RPH3AL: variants seen among roughly 807,000 people sequenced by gnomAD.
RPH3AL encodes rabphilin 3A like (without C2 domains).
Under a neutral mutation model 43.1 loss-of-function variants are expected in RPH3AL, and 38 were observed. The ratio of observed to expected loss-of-function variants is 0.88; its 90% CI spans 0.68 to 1.15. RPH3AL has a LOEUF of 1.15. Among genes scored for constraint, RPH3AL ranks in the 50% most tolerant of loss-of-function variants. The pLI is 0.00. For synonymous variants in RPH3AL, 189 were observed against 176.3 expected (o/e 1.07, Z -0.57); for missense variants, 462 against 423.2 (o/e 1.09, Z -0.81).
Position 308,003 on chromosome 17 carries a change from A to G in RPH3AL, c.351+11417T>C, listed in dbSNP as rs571472518. On this transcript the variant is annotated intron_variant, in intron 5 of 9. Coordinates refer to ENST00000331302, the MANE Select transcript of RPH3AL (RefSeq NM_006987.4). ...CCAGACAGCCTTGGAGATGCAAGAG[A>G]GCCGAAGCAGGCCCCTCGGGGCAGA... Among the ~76,000 whole-genome samples, 6 of 152,328 alleles carry G rather than the reference A, an allele frequency of 3.9e-5. No individual in the cohort carries two copies. In the East Asian group the frequency reaches 9.6e-4, roughly 24 times the overall value.
intron 6 of RPH3AL, among the ~76,000 whole-genome samples, chr17:260,326 A>G (rs1555545852): frequency 6.6e-6 from 1 of 152,136 alleles, no homozygotes; most frequent in African/African-American, 2.4e-5. Flanking sequence ...AGCACGCCAC[A>G]CCTGGGCTGG....
rs148973010 is a variant in RPH3AL, at chr17:349,778, G to A, written c.-213+2934C>T. Among the ~76,000 whole-genome samples the A allele has an allele frequency of 6.1e-4, 93 of 152,112 alleles. 1 individual carries two copies. Among genetic ancestry groups the A allele is most frequent in the African/African-American group, 2.1e-3 (86 of 41,478 alleles). On this transcript the variant is annotated intron_variant, in intron 1 of 9. Coordinates refer to ENST00000331302, the MANE Select transcript of RPH3AL (RefSeq NM_006987.4). ...TCCAAAAATGTCTTCCAGTAAAATC[G>A]AGTCCAGGATTATGCAACTCTAGTT...
chr17:314,663 T>G (rs2043829564), intron 5 of RPH3AL, among the ~76,000 whole-genome samples: 2 of 150,788 alleles, frequency 1.3e-5, no homozygotes, highest in South Asian at 2.1e-4. Flanking sequence ...CCACCTCCAT[T>G]GACCTGTAGT....
intron 5 of RPH3AL, among the ~76,000 whole-genome samples, chr17:282,210 G>T (rs2042797313): frequency 6.6e-6 from 1 of 152,240 alleles, no homozygotes; most frequent in Non-Finnish European, 1.5e-5. Flanking sequence ...ACGTGATCTG[G>T]CCTTCACACA....
chr17:344,755 TATC>T (rs1234645180), intron 1 of RPH3AL, among the ~76,000 whole-genome samples: 1 of 135,572 alleles, frequency 7.4e-6, no homozygotes, highest in African/African-American at 2.5e-5. Flanking sequence ...CCATCATCAC[TATC>T]ATCACAATCA....
intron 2 of RPH3AL, chr17:332,922 G>A (rs2044826310): frequency 2.1e-6 from 2 of 953,016 alleles, no homozygotes; most frequent in South Asian, 1.5e-5. Context: ...CAGGGACTAG[G>A]AGGACCCGAG....
chr17:213,638 A>C lies in RPH3AL; in HGVS notation c.*214T>G, dbSNP rs2040722425. The C allele has an allele frequency of 1.7e-6, 1 of 598,676 alleles. No individual in the cohort carries two copies. The highest frequency in any genetic ancestry group is 3.0e-6 in the Non-Finnish European group (1 of 334,090). 37.1% of individuals were successfully genotyped at this position (598,676 alleles called of 1,614,324 possible). A position where few individuals can be genotyped will look rare whatever the true frequency, so the allele number is the denominator to read the frequency against. ...ATAAATAAGGTCGGGGGCTGAGGGC[A>C]GTGGTTGGAGGGGGTGGCGGATGCA... On this transcript the variant is annotated 3_prime_UTR_variant, in exon 10 of 10. Coordinates refer to ENST00000331302, the MANE Select transcript of RPH3AL (RefSeq NM_006987.4).
At chr17:236,133 C>T (rs76466048) in intron 7 of RPH3AL, among the ~76,000 whole-genome samples, 2,345 of 152,276 alleles carry the variant, frequency 0.015, 70 homozygotes, top group African/African-American at 0.054. Flanking sequence ...GCCCTGCTCC[C>T]AACCTGGGCT....
chr17:286,375 C>T (rs865916762), intron 5 of RPH3AL, among the ~76,000 whole-genome samples: 10 of 152,158 alleles, frequency 6.6e-5, no homozygotes, highest in Non-Finnish European at 1.5e-4. Flanking sequence ...CCAACGCTGG[C>T]GGCACCTGGG....
At chr17:240,255 T>A (rs1302329777) in intron 7 of RPH3AL, among the ~76,000 whole-genome samples, 6 of 140,558 alleles carry the variant, frequency 4.3e-5, no homozygotes, top group African/African-American at 7.5e-5. Context: ...AAAAAAAAGG[T>A]TTTTTTGTTG....
intron 5 of RPH3AL, among the ~76,000 whole-genome samples, chr17:315,115 T>C (rs868172967): frequency 2.3e-4 from 32 of 137,866 alleles, no homozygotes; most frequent in Non-Finnish European, 2.7e-4. Context: ...CCCACCTCCA[T>C]TGACCTGTAG....
At chr17:329,925 T>C (rs999701152) in intron 2 of RPH3AL, among the ~76,000 whole-genome samples, 17 of 152,272 alleles carry the variant, frequency 1.1e-4, no homozygotes, top group Admixed American at 7.9e-4. Flanking sequence ...TCTTAAAGAT[T>C]AGTTCAAATG....
chr17:225,469 G>T lies in RPH3AL; in HGVS notation c.614-5733C>A, dbSNP rs1340051347. Reference sequence around the variant, plus strand: ...TCACTGATGAGATGCCAACCTCATGGGTCCCATGAAAAAGGGATAGGAGGA... The same window carrying T: ...TCACTGATGAGATGCCAACCTCATGTGTCCCATGAAAAAGGGATAGGAGGA... On this transcript the variant is annotated intron_variant, in intron 7 of 9. Coordinates refer to ENST00000331302, the MANE Select transcript of RPH3AL (RefSeq NM_006987.4). The surrounding 1 kb of genome is among the most constrained non-coding windows in gnomAD (Gnocchi z 4.4). Among the ~76,000 whole-genome samples the T allele has an allele frequency of 6.6e-6, 1 of 152,074 alleles. No homozygotes were observed. Among genetic ancestry groups the T allele is most frequent in the African/African-American group, 2.4e-5 (1 of 41,394 alleles).
intron 3 of RPH3AL, among the ~76,000 whole-genome samples, chr17:326,484 G>T (rs1164606388): frequency 6.6e-6 from 1 of 152,194 alleles, no homozygotes; most frequent in East Asian, 1.9e-4. Context: ...GGGACTGGAA[G>T]GCAGGCAAGG....
At chr17:257,761 A>ACG (rs2042090628) in intron 6 of RPH3AL, among the ~76,000 whole-genome samples, 1 of 51,284 alleles carries the variant, frequency 1.9e-5, no homozygotes, top group African/African-American at 7.3e-5. Context: ...GTCCCTAGGA[A>ACG]TGTGACTACC....
chr17:271,468 G>C (rs1456894416), intron 6 of RPH3AL, among the ~76,000 whole-genome samples: 3 of 152,136 alleles, frequency 2.0e-5, no homozygotes, highest in Non-Finnish European at 4.4e-5. Flanking sequence ...GTGGTTTGTA[G>C]TTCTCCTTGA....
Position 315,214 on chromosome 17 carries a change from T to C in RPH3AL, c.351+4206A>G, listed in dbSNP as rs1157057916. The stretch of plus-strand genomic sequence containing the variant: ...CCTGTGCTCCACCTCCATTCACCTG[T>C]AGTCTCTGTGCCCCCACCTTCATTC... On this transcript the variant is annotated intron_variant, in intron 5 of 9. Transcript: ENST00000331302. 5.0e-4 allele frequency among the ~76,000 whole-genome samples: 48 copies of C among 96,264 alleles called. 3 individuals carry two copies. Among genetic ancestry groups the C allele is most frequent in the South Asian group, 1.3e-3 (3 of 2,316 alleles). The allele number at this position is 96,264 out of a possible 152,430, so 63.2% of individuals were successfully genotyped here.
In RPH3AL at chr17:335,474, G is replaced by A. The variant is rs527355049; in HGVS notation, c.-212-1540C>T. Among the ~76,000 whole-genome samples, 141 of 152,220 alleles carry A rather than the reference G, an allele frequency of 9.3e-4. 1 individual carries two copies. Among genetic ancestry groups the A allele is most frequent in the African/African-American group, 3.3e-3 (137 of 41,532 alleles). Reference sequence around the variant, plus strand: ...TGCTTAGAATGAAATGCACGGCCCGGCCAAGAGTGGCAGAACCGCCCGGCC... The same window carrying A: ...TGCTTAGAATGAAATGCACGGCCCGACCAAGAGTGGCAGAACCGCCCGGCC... On this transcript the variant is annotated intron_variant, in intron 1 of 9. Coordinates refer to ENST00000331302, the MANE Select transcript of RPH3AL (RefSeq NM_006987.4).
At chr17:275,962 A>C (rs1324968391) in intron 6 of RPH3AL, among the ~76,000 whole-genome samples, 5 of 152,208 alleles carry the variant, frequency 3.3e-5, no homozygotes, top group Non-Finnish European at 7.3e-5. Flanking sequence ...AATGGAATGG[A>C]AAGTCCAGAG....
Sources: gnomAD v4.1 joint callset for allele counts (sites outside exome capture counted in the v4.1 genomes callset) on GRCh38, gnomAD v4.1.1 for gene constraint, Gnocchi (gnomAD v3.1) non-coding constraint, MANE v1.5 for transcripts, NCBI Gene and HGNC (gene_info 2026-07-23, HGNC 2026-07-21) for gene names.